TBR1: variants seen among roughly 807,000 people sequenced by gnomAD.
The protein encoded by TBR1 is T-box brain protein 1.
TBR1 carries 7 observed loss-of-function variants against 60.3 expected under a neutral mutation model. The observed-to-expected ratio is 0.12, with a 90% CI of 0.07 to 0.22. TBR1 has a LOEUF of 0.22. TBR1 is among the 10% of genes least tolerant of loss of function. The pLI, the probability that TBR1 is intolerant of heterozygous loss-of-function variation, is 1.00. For missense variants in TBR1, 616 were observed against 936.8 expected, an observed-to-expected ratio of 0.66 and a Z score of 4.47; for synonymous variants, 417 against 409.9, an observed-to-expected ratio of 1.02 and a Z score of -0.21.
intron 2 of TBR1, 100 bp from the exon 3 acceptor site, chr2:161,418,101 T>C: frequency 1.1e-6 from 1 of 911,784 alleles, no homozygotes; most frequent in Non-Finnish European, 1.4e-6. Context: ...TGTGTATGTG[T>C]GTGTGTGTGT....
chr2:161,420,023 C>A, intron 4 of TBR1, 173 bp from the exon 5 acceptor site: 1 of 460,462 alleles, frequency 2.2e-6, no homozygotes, highest in Non-Finnish European at 3.9e-6. Context: ...TTTCATGATA[C>A]TTTCTCTTTT....
chr2:161,417,285 G>A lies in TBR1; in HGVS notation c.692+183G>A, dbSNP rs1221315498. On this transcript the variant is annotated intron_variant, in intron 1 of 5. Transcript: ENST00000389554. The surrounding 1 kb of genome is among the most constrained non-coding windows in gnomAD (Gnocchi z 5.3). Reference sequence around the variant, plus strand: ...ACCGCCAGGGTGATGTTGGTGGGGGGGACCCCGTTCTAGGAACATAGTGGG... The same window carrying A: ...ACCGCCAGGGTGATGTTGGTGGGGGAGACCCCGTTCTAGGAACATAGTGGG... 14 of 660,128 alleles carry A rather than the reference G, an allele frequency of 2.1e-5. No homozygotes were observed. The highest frequency in any genetic ancestry group is 5.0e-6 in the Non-Finnish European group (2 of 398,176). The allele number at this position is 660,128 out of a possible 1,614,324, so 40.9% of individuals were successfully genotyped here. A position where few individuals can be genotyped will look rare whatever the true frequency, so the allele number is the denominator to read the frequency against.
In TBR1 at chr2:161,417,146, G is replaced by A. The variant is rs1345789774; in HGVS notation, c.692+44G>A. ...CTGCCGCTGCTCTAGGCGCAGCCGGGGACAAGTGCACCTAGGCTGTGACTG... is the reference window on the plus strand; with the variant it reads ...CTGCCGCTGCTCTAGGCGCAGCCGGAGACAAGTGCACCTAGGCTGTGACTG... On this transcript the variant is annotated intron_variant, in intron 1 of 5. Transcript: ENST00000389554. The surrounding 1 kb of genome is among the most constrained non-coding windows in gnomAD (Gnocchi z 5.3). 6.5e-7 allele frequency: 1 copy of A among 1,530,756 alleles called. No individual in the cohort carries two copies. Among genetic ancestry groups the A allele is most frequent in the African/African-American group, 1.4e-5 (1 of 72,648 alleles). 94.8% of individuals were successfully genotyped at this position (1,530,756 alleles called of 1,614,324 possible).
chr2:161,418,347 TTCTC>T (rs763014748), intron 3 of TBR1, 25 bp downstream of exon 3: 6 of 1,607,356 alleles, frequency 3.7e-6, no homozygotes, highest in Middle Eastern at 1.7e-4. Context: ...CGCTCGTGTT[TTCTC>T]TCTCTCTCAC....
Position 161,423,579 on chromosome 2 carries a change from G to A in TBR1, c.1401G>A (p.Leu467=), listed in dbSNP as rs1008549554. 11 of 1,545,570 alleles carry A rather than the reference G, an allele frequency of 7.1e-6. No individual in the cohort carries two copies. The highest frequency in any genetic ancestry group is 9.6e-6 in the Non-Finnish European group (11 of 1,151,184). ...GCAGCGTGCCGCACACCAACGGGCT[G>A]CTGTCGCCGCAGCAGGCCGAGGACC... The part of the protein sequence containing the change: ...TDRSVPHTNG[L]LSPQQAEDPG... The change falls in exon 6 of 6, where the codon CTG becomes CTA. Residue 467 remains leucine, a synonymous_variant. Transcript: ENST00000389554.
chr2:161,417,503 G>A lies in TBR1; in HGVS notation c.693-173G>A, dbSNP rs557284886. The stretch of plus-strand genomic sequence containing the variant: ...TCACCCGCCGCTCTCCCTGATTTGG[G>A]TTGCACTTCTTTTCTTCTCCCACCA... On this transcript the variant is annotated intron_variant, in intron 1 of 5. Transcript: ENST00000389554. The surrounding 1 kb of genome is among the most constrained non-coding windows in gnomAD (Gnocchi z 5.3). The A allele has an allele frequency of 1.1e-4, 92 of 844,528 alleles. No homozygotes were observed. The East Asian group carries it at 1.5e-3, about 14-fold the overall frequency. 52.3% of individuals were successfully genotyped at this position (844,528 alleles called of 1,614,324 possible).
chr2:161,422,766 G>C (rs1370723492), intron 5 of TBR1: 1 of 152,158 alleles, frequency 6.6e-6, no homozygotes, highest in Non-Finnish European at 1.5e-5. Flanking sequence ...AGCAAACCTC[G>C]GGTTCCAGAA....
rs762713626 is a variant in TBR1, at chr2:161,420,222, C to T, written c.1155C>T (p.Asn385=). ...TTACACAACTGAAAATAGATCACAA[C>T]CCTTTTGCAAAAGGATTTCGGGATA... ...TDITQLKIDH[N]PFAKGFRDNY... The change falls in exon 5 of 6, where the codon AAC becomes AAT. Residue 385 remains asparagine (N), a synonymous_variant. Transcript: ENST00000389554. The T allele has an allele frequency of 1.9e-6, 3 of 1,613,234 alleles. No homozygotes were observed. Among genetic ancestry groups the T allele is most frequent in the Non-Finnish European group, 2.5e-6 (3 of 1,179,682 alleles).
Position 161,417,134 on chromosome 2 carries a change from A to G in TBR1, c.692+32A>G. On this transcript the variant is annotated intron_variant, in intron 1 of 5. Coordinates refer to ENST00000389554, the MANE Select transcript of TBR1 (RefSeq NM_006593.4). The surrounding 1 kb of genome is among the most constrained non-coding windows in gnomAD (Gnocchi z 5.3). The stretch of plus-strand genomic sequence containing the variant: ...CTACATTTTTGGCTGCCGCTGCTCT[A>G]GGCGCAGCCGGGGACAAGTGCACCT... 6.5e-7 allele frequency: 1 copy of G among 1,544,584 alleles called. No individual in the cohort carries two copies. The highest frequency in any genetic ancestry group is 8.7e-7 in the Non-Finnish European group (1 of 1,144,704).
chr2:161,417,993 A>G lies in TBR1; in HGVS notation c.847+163A>G. ...GACAGACTGAGCTGCGAGAAGGGGG[A>G]GGATTATGCAAAAGCTATTTTAATC... On this transcript the variant is annotated intron_variant, in intron 2 of 5. Transcript: ENST00000389554. The surrounding 1 kb of genome is among the most constrained non-coding windows in gnomAD (Gnocchi z 5.3). 6.9e-7 allele frequency: 1 copy of G among 1,450,612 alleles called. No homozygotes were observed. 89.9% of individuals were successfully genotyped at this position (1,450,612 alleles called of 1,614,324 possible).
rs957739734 is a variant in TBR1, at chr2:161,424,467, T to C, written c.*240T>C. The C allele has an allele frequency of 2.0e-6, 1 of 508,278 alleles. No individual in the cohort carries two copies. The highest frequency in any genetic ancestry group is 3.5e-6 in the Non-Finnish European group (1 of 287,008). The allele number at this position is 508,278 out of a possible 1,614,324, so 31.5% of individuals were successfully genotyped here. A position where few individuals can be genotyped will look rare whatever the true frequency, so the allele number is the denominator to read the frequency against. On this transcript the variant is annotated 3_prime_UTR_variant, in exon 6 of 6. Transcript: ENST00000389554. The surrounding 1 kb of genome is among the most constrained non-coding windows in gnomAD (Gnocchi z 4.4). ...TTTGCTGTAAACCTTTTGGTTTTCC[T>C]ACTTACTCTTCTTCTGTGGAGTTAT...
intron 5 of TBR1, 166 bp downstream of exon 5, chr2:161,420,423 T>A: frequency 4.4e-6 from 1 of 226,400 alleles, no homozygotes; most frequent in Non-Finnish European, 8.1e-6. Context: ...CTCTTCTTTT[T>A]TTTTTTTTTT....
chr2:161,418,145 G>T, intron 2 of TBR1, 56 bp from the exon 3 acceptor site: 1 of 1,567,424 alleles, frequency 6.4e-7, no homozygotes, highest in South Asian at 1.2e-5. Context: ...ACGTGGTGAG[G>T]AGCTGGGACT....
Position 161,416,883 on chromosome 2 carries a change from A to C in TBR1, c.473A>C (p.Asn158Thr). 6.2e-7 allele frequency: 1 copy of C among 1,613,942 alleles called. No individual in the cohort carries two copies. The highest frequency in any genetic ancestry group is 8.5e-7 in the Non-Finnish European group (1 of 1,179,974). Residue 158 changes from asparagine (N) to threonine (T), a missense_variant, in exon 1 of 6, where the codon AAC (asparagine) becomes ACC (threonine). Coordinates refer to ENST00000389554, the MANE Select transcript of TBR1 (RefSeq NM_006593.4). This position sits in a 1 kb window ranked among gnomAD's most constrained non-coding sequence, Gnocchi z 6.1. Reference protein sequence around the residue: ...HHPVITNGAYNSLLSNSSPQG... With the variant: ...HHPVITNGAYTSLLSNSSPQG... ...CCGGTCATCACCAACGGAGCCTACAACAGCCTCCTGTCCAACTCCTCGCCG... is the reference window on the plus strand; with the variant it reads ...CCGGTCATCACCAACGGAGCCTACACCAGCCTCCTGTCCAACTCCTCGCCG...
chr2:161,423,338 G>C (rs1157595934), intron 5 of TBR1, 31 bp from the exon 6 acceptor site: 9 of 636,548 alleles, frequency 1.4e-5, no homozygotes, highest in Non-Finnish European at 2.0e-5. Context: ...GCCACCCCTC[G>C]GCTCTCTCTC....
At position 161,417,566 on chromosome 2, in the gene TBR1, G is replaced by C; in HGVS notation, c.693-110G>C. 1 of 1,352,350 alleles carries C rather than the reference G, an allele frequency of 7.4e-7. No individual in the cohort carries two copies. Among genetic ancestry groups the C allele is most frequent in the Non-Finnish European group, 1.0e-6 (1 of 988,482 alleles). 83.8% of individuals were successfully genotyped at this position (1,352,350 alleles called of 1,614,324 possible). On this transcript the variant is annotated intron_variant, in intron 1 of 5. Coordinates refer to ENST00000389554, the MANE Select transcript of TBR1 (RefSeq NM_006593.4). The surrounding 1 kb of genome is among the most constrained non-coding windows in gnomAD (Gnocchi z 5.3). ...TCCAGCAAATATTCGCCTATTTGCT[G>C]CAAGTACAAGTTTTGCTTTGCTAAC...
Position 161,417,586 on chromosome 2 carries a change from G to A in TBR1, c.693-90G>A. On this transcript the variant is annotated intron_variant, in intron 1 of 5. Coordinates refer to ENST00000389554, the MANE Select transcript of TBR1 (RefSeq NM_006593.4). The surrounding 1 kb of genome is among the most constrained non-coding windows in gnomAD (Gnocchi z 5.3). ...TTGCTGCAAGTACAAGTTTTGCTTT[G>A]CTAACTGGCGCCCCGCTTCTTGCAT... is the stretch of plus-strand genomic sequence containing the variant. The A allele has an allele frequency of 6.7e-7, 1 of 1,489,508 alleles. No individual in the cohort carries two copies. The highest frequency in any genetic ancestry group is 1.4e-5 in the South Asian group (1 of 73,420). 92.3% of individuals were successfully genotyped at this position (1,489,508 alleles called of 1,614,324 possible). A position where few individuals can be genotyped will look rare whatever the true frequency, so the allele number is the denominator to read the frequency against.
chr2:161,420,321 T>C, intron 5 of TBR1, 64 bp downstream of exon 5: 2 of 1,376,920 alleles, frequency 1.5e-6, no homozygotes, highest in Non-Finnish European at 2.0e-6. Flanking sequence ...CAAAGGTGTA[T>C]TATTATGTAC....
intron 4 of TBR1, chr2:161,419,838 C>T (rs1684199531): frequency 6.3e-6 from 1 of 158,246 alleles, no homozygotes; most frequent in Non-Finnish European, 1.4e-5. Context: ...TTAAAATAGT[C>T]AACATTTAGT....
Sources: gnomAD v4.1 joint callset for allele counts on GRCh38, gnomAD v4.1.1 for gene constraint, Gnocchi (gnomAD v3.1) non-coding constraint, MANE v1.5 for transcripts, NCBI Gene and HGNC (gene_info 2026-07-23, HGNC 2026-07-21) for gene names.